Variants in ACAD11 observed in about 807,000 individuals in gnomAD.
ACAD11 encodes the protein acyl-Coenzyme A dehydrogenase family, member 11.
A neutral mutation model predicts 102.2 loss-of-function variants in ACAD11; 83 were observed. That is an observed-to-expected ratio of 0.81 (90% CI 0.68 to 0.97). The LOEUF is 0.97. ACAD11 is among the 50% of genes least tolerant of loss of function. The pLI, the probability that ACAD11 is intolerant of heterozygous loss-of-function variation, is 0.00. For missense variants in ACAD11, 901 were observed against 951.7 expected (o/e 0.95, Z 0.70); for synonymous variants, 324 against 319.8 (o/e 1.01, Z -0.14).
At position 132,558,997 on chromosome 3, in the gene ACAD11, C is replaced by G. The variant is rs756338772; in HGVS notation, c.2317G>C (p.Ala773Pro). The G allele has an allele frequency of 6.2e-7, 1 of 1,613,400 alleles. No individual in the cohort carries two copies. Among genetic ancestry groups the G allele is most frequent in the African/African-American group, 1.3e-5 (1 of 74,926 alleles). Residue 773 changes from alanine (A) to proline (P), a missense_variant, in exon 20 of 20, where the codon GCC (alanine) becomes CCC (proline). Transcript: ENST00000264990. Reference sequence around the variant, plus strand: ...TATATCTTGGCTGTCAGTCTTTTGGCTTGGTCCCGCAGCTCCATTGTTGCG... The same window carrying G: ...TATATCTTGGCTGTCAGTCTTTTGGGTTGGTCCCGCAGCTCCATTGTTGCG... The part of the protein sequence containing the change: ...AIATMELRDQ[A>P]KRLTAKI
chr3:132,654,463 T>G (rs1455615276), intron 1 of ACAD11: 1 of 152,206 alleles, frequency 6.6e-6, no homozygotes, highest in African/African-American at 2.4e-5. Flanking sequence ...TAAGATAGCA[T>G]CTGCTGTGGC....
chr3:132,603,493 C>T (rs916398536), intron 12 of ACAD11, among the ~76,000 whole-genome samples, 166 bp from the exon 13 acceptor site: 7 of 152,138 alleles, frequency 4.6e-5, no homozygotes, highest in South Asian at 4.1e-4. Context: ...ATTCAATAAA[C>T]GTGCACTGAA....
intron 11 of ACAD11, among the ~76,000 whole-genome samples, chr3:132,615,787 C>T (rs568688047): frequency 1.3e-5 from 2 of 152,222 alleles, no homozygotes; most frequent in Admixed American, 6.5e-5. Context: ...GTTCTGCACA[C>T]GTATCCCAGA....
At chr3:132,612,544 C>A (rs1254760500) in intron 11 of ACAD11, among the ~76,000 whole-genome samples, 1 of 151,986 alleles carries the variant, frequency 6.6e-6, no homozygotes, top group Non-Finnish European at 1.5e-5. Context: ...AAACAAACAA[C>A]CCCATCAACA....
intron 13 of ACAD11, among the ~76,000 whole-genome samples, chr3:132,586,793 A>T (rs1937854705): frequency 6.6e-6 from 1 of 152,224 alleles, no homozygotes; most frequent in Non-Finnish European, 1.5e-5. Flanking sequence ...TTTATCATGC[A>T]TCAAAAAGTC....
intron 13 of ACAD11, among the ~76,000 whole-genome samples, chr3:132,581,598 G>T (rs989049168): frequency 6.6e-6 from 1 of 151,858 alleles, no homozygotes. Context: ...AGGGGAAGGA[G>T]ATATTATAAA....
chr3:132,644,614 C>G (rs1377225672), intron 2 of ACAD11, among the ~76,000 whole-genome samples, 183 bp downstream of exon 2: 1 of 152,022 alleles, frequency 6.6e-6, no homozygotes, highest in Non-Finnish European at 1.5e-5. Flanking sequence ...ACTTACATTT[C>G]AACCTCAAAT....
chr3:132,637,193 A>G (rs1940307460), intron 5 of ACAD11, among the ~76,000 whole-genome samples: 1 of 152,136 alleles, frequency 6.6e-6, no homozygotes, highest in Non-Finnish European at 1.5e-5. Context: ...AAGTAAAATA[A>G]TAATAATAAT....
At chr3:132,571,519 T>A (rs894411022) in intron 17 of ACAD11, among the ~76,000 whole-genome samples, 1 of 152,180 alleles carries the variant, frequency 6.6e-6, no homozygotes, top group Non-Finnish European at 1.5e-5. Context: ...ATTGCATTGA[T>A]CAATTTTTGC....
At chr3:132,577,133 C>T (rs767375634) in intron 15 of ACAD11, 118 bp from the exon 16 acceptor site, 6 of 680,738 alleles carry the variant, frequency 8.8e-6, no homozygotes, top group Non-Finnish European at 1.3e-5. Flanking sequence ...ATCCATATGG[C>T]ATGAACATTC....
In ACAD11 at chr3:132,632,086, A is replaced by T. The variant is rs1032684410; in HGVS notation, c.703-607T>A. Reference sequence around the variant, plus strand: ...GTATCAAGGGAATATATATATATGTATTTTTTTTTTTTTTTGAGACGGAGT... The same window carrying T: ...GTATCAAGGGAATATATATATATGTTTTTTTTTTTTTTTTTGAGACGGAGT... On this transcript the variant is annotated intron_variant, in intron 5 of 19. Transcript: ENST00000264990. Among the ~76,000 whole-genome samples the T allele has an allele frequency of 9.2e-5, 13 of 141,734 alleles. No homozygotes were observed. The East Asian group carries it at 1.3e-3, about 14-fold the overall frequency. The allele number at this position is 141,734 out of a possible 152,430, so 93.0% of individuals were successfully genotyped here.
chr3:132,652,972 A>G (rs1937611694), intron 1 of ACAD11, among the ~76,000 whole-genome samples: 1 of 152,142 alleles, frequency 6.6e-6, no homozygotes, highest in Non-Finnish European at 1.5e-5. Context: ...GGGTGCTCCA[A>G]TAGCCTGAGG....
At chr3:132,626,175 A>G (rs544993280) in intron 9 of ACAD11, among the ~76,000 whole-genome samples, 2 of 152,238 alleles carry the variant, frequency 1.3e-5, no homozygotes, top group East Asian at 3.9e-4. Flanking sequence ...ATCATCAAGT[A>G]CCCAATAATT....
intron 9 of ACAD11, among the ~76,000 whole-genome samples, chr3:132,624,542 T>C (rs1159588650): frequency 6.9e-6 from 1 of 144,580 alleles, no homozygotes; most frequent in East Asian, 2.2e-4. Flanking sequence ...GAGGCGGAGG[T>C]TGCAGTGGGC....
At chr3:132,591,730 A>C (rs1213412677) in intron 13 of ACAD11, among the ~76,000 whole-genome samples, 1 of 152,044 alleles carries the variant, frequency 6.6e-6, no homozygotes, top group East Asian at 1.9e-4. Context: ...TCTATACAAA[A>C]AAATTTAAAA....
chr3:132,634,864 T>G (rs13099577), intron 5 of ACAD11, among the ~76,000 whole-genome samples: 1 of 129,182 alleles, frequency 7.7e-6, no homozygotes, highest in Non-Finnish European at 1.6e-5. Context: ...ATGAGAACAC[T>G]TGGACACAGG....
rs1329890387 is a variant in ACAD11 at position 132,559,946 on chromosome 3, T to G, written c.2119-4A>C. The G allele has an allele frequency of 1.2e-5, 19 of 1,606,000 alleles. No homozygotes were observed. Among genetic ancestry groups the G allele is most frequent in the Non-Finnish European group, 1.5e-5 (18 of 1,174,158 alleles). The stretch of plus-strand genomic sequence containing the variant: ...CAGCCACTTTGATCATTGCAATCTA[T>G]ATAAGCAAAATATGAAAAGAATGCT... On this transcript the variant is annotated splice_region_variant and splice_polypyrimidine_tract_variant and intron_variant, in intron 18 of 19. Transcript: ENST00000264990.
chr3:132,651,081 T>C (rs1362409497), intron 1 of ACAD11, among the ~76,000 whole-genome samples: 1 of 152,228 alleles, frequency 6.6e-6, no homozygotes, highest in African/African-American at 2.4e-5. Context: ...GTTTCCTTTG[T>C]AGGCTTCTTA....
intron 1 of ACAD11, chr3:132,648,452 A>T (rs755023318): frequency 4.6e-5 from 7 of 152,248 alleles, no homozygotes; most frequent in Admixed American, 1.3e-4. Flanking sequence ...AACAAGTCTC[A>T]GACTCATGGC....
Sources: allele counts gnomAD v4.1 joint callset (sites outside exome capture counted in the v4.1 genomes callset), GRCh38; gene constraint gnomAD v4.1.1; transcripts MANE v1.5; gene names NCBI Gene and HGNC (gene_info 2026-07-23, HGNC 2026-07-21).